The following RBM20 variants were observed in gnomAD, a reference collection of about 807,000 sequenced individuals.
RBM20 encodes the protein RNA-binding protein 20.
In RBM20, 51 loss-of-function variants were observed where a neutral mutation model predicts 110.1. The observed-to-expected ratio is 0.46, with a 90% CI of 0.37 to 0.59. RBM20 has a LOEUF of 0.59. RBM20 is among the 20% of genes least tolerant of loss of function. The probability of loss-of-function intolerance (pLI) is 0.00; values close to 1 mark genes in which losing one functional copy is unlikely to be tolerated. For missense variants in RBM20, 1,512 were observed against 1,574.9 expected (o/e 0.96, Z 0.68); for synonymous variants, 589 against 618.2 (o/e 0.95, Z 0.70).
At position 110,653,674 on chromosome 10, in the gene RBM20, A is replaced by G. The variant is rs143968526; in HGVS notation, c.191+9029A>G. On this transcript the variant is annotated intron_variant, in intron 1 of 13. Transcript: ENST00000369519. ...CTGGCTCAAGCAATCTCCCACCTCA[A>G]CCTTCCAAGTAGCTGGTACTGTAGA... Among the ~76,000 whole-genome samples, 365 of 152,052 alleles carry G rather than the reference A, an allele frequency of 2.4e-3. 2 individuals are homozygous for G. Among genetic ancestry groups the G allele is most frequent in the African/African-American group, 8.5e-3 (353 of 41,460 alleles).
intron 6 of RBM20, among the ~76,000 whole-genome samples, chr10:110,798,141 G>A (rs1243275490): frequency 6.6e-6 from 1 of 152,146 alleles, no homozygotes; most frequent in Non-Finnish European, 1.5e-5. Context: ...GAGAATGGAT[G>A]GATGCTTACT....
At chr10:110,748,859 C>T (rs1843818445) in intron 1 of RBM20, among the ~76,000 whole-genome samples, 1 of 152,166 alleles carries the variant, frequency 6.6e-6, no homozygotes, top group African/African-American at 2.4e-5. Context: ...ACCATGTGCC[C>T]ATTAAGCAGT....
At chr10:110,791,236 A>G (rs1844479293) in intron 5 of RBM20, among the ~76,000 whole-genome samples, 1 of 152,222 alleles carries the variant, frequency 6.6e-6, no homozygotes, top group Admixed American at 6.5e-5. Flanking sequence ...TGAGAGATAA[A>G]TATTTGCCAT....
intron 1 of RBM20, among the ~76,000 whole-genome samples, chr10:110,645,630 A>T (rs556947003): frequency 6.6e-6 from 1 of 152,402 alleles, no homozygotes; most frequent in East Asian, 1.9e-4. Context: ...AATAAAACTT[A>T]GTAACAGAAA....
At chr10:110,800,145 A>C (rs934815096) in intron 7 of RBM20, among the ~76,000 whole-genome samples, 23 of 152,222 alleles carry the variant, frequency 1.5e-4, no homozygotes, top group African/African-American at 5.3e-4. Flanking sequence ...CTGGGAGCCA[A>C]GGAAAGTTTT....
chr10:110,815,436 C>T (rs888669847), intron 9 of RBM20, among the ~76,000 whole-genome samples: 1 of 152,186 alleles, frequency 6.6e-6, no homozygotes, highest in Non-Finnish European at 1.5e-5. Context: ...CACTGTGTGC[C>T]TCACCAAGGA....
intron 7 of RBM20, among the ~76,000 whole-genome samples, chr10:110,804,756 G>A (rs553468012): frequency 9.8e-5 from 15 of 152,292 alleles, no homozygotes; most frequent in Admixed American, 1.3e-4. Flanking sequence ...TGGAAACTTC[G>A]TCAATAAGTA....
At chr10:110,685,024 T>A (rs968625988) in intron 1 of RBM20, among the ~76,000 whole-genome samples, 1 of 152,202 alleles carries the variant, frequency 6.6e-6, no homozygotes, top group Non-Finnish European at 1.5e-5. Context: ...AGGAGAGCGA[T>A]CTGCCTGAAT....
At chr10:110,801,343 C>T (rs1215363707) in intron 7 of RBM20, among the ~76,000 whole-genome samples, 4 of 151,772 alleles carry the variant, frequency 2.6e-5, no homozygotes, top group Non-Finnish European at 4.4e-5. Flanking sequence ...AGGAGAATCG[C>T]TTTAACCTGG....
intron 1 of RBM20, among the ~76,000 whole-genome samples, chr10:110,689,950 C>T (rs1282013695): frequency 6.6e-6 from 1 of 152,124 alleles, no homozygotes; most frequent in Non-Finnish European, 1.5e-5. Flanking sequence ...ATTTTAAGTG[C>T]TTCCAGAAAA....
chr10:110,782,244 C>A (rs1844363608), intron 2 of RBM20, among the ~76,000 whole-genome samples: 3 of 152,114 alleles, frequency 2.0e-5, no homozygotes, highest in Admixed American at 1.3e-4. Context: ...AATCTACTGC[C>A]CCTTGAGTAC....
chr10:110,829,442 G>C (rs1467655486), intron 12 of RBM20, among the ~76,000 whole-genome samples: 1 of 152,160 alleles, frequency 6.6e-6, no homozygotes, highest in African/African-American at 2.4e-5. Context: ...ACTGCTGAGG[G>C]CATGGCGTGT....
At chr10:110,825,271 T>TG (rs1844969203) in intron 12 of RBM20, among the ~76,000 whole-genome samples, 1 of 152,220 alleles carries the variant, frequency 6.6e-6, no homozygotes, top group Non-Finnish European at 1.5e-5. Context: ...CTAGACACTC[T>TG]GGGGTAACCA....
At chr10:110,662,310 A>G (rs1455723833) in intron 1 of RBM20, among the ~76,000 whole-genome samples, 1 of 152,208 alleles carries the variant, frequency 6.6e-6, no homozygotes, top group Non-Finnish European at 1.5e-5. Context: ...TTCAAACCGA[A>G]TATTTAACAC....
intron 1 of RBM20, among the ~76,000 whole-genome samples, chr10:110,690,763 A>C (rs1333558766): frequency 6.6e-6 from 1 of 152,260 alleles, no homozygotes; most frequent in Non-Finnish European, 1.5e-5. Flanking sequence ...TTGTAAGTAC[A>C]ATATACGTAT....
chr10:110,807,076 G>T (rs1213070927), intron 7 of RBM20, among the ~76,000 whole-genome samples: 1 of 152,162 alleles, frequency 6.6e-6, no homozygotes, highest in Non-Finnish European at 1.5e-5. Context: ...CAATACCTGT[G>T]ACCACTAGCC....
chr10:110,690,698 A>G lies in RBM20; in HGVS notation c.191+46053A>G, dbSNP rs369154283. On this transcript the variant is annotated intron_variant, in intron 1 of 13. Transcript: ENST00000369519. ...AGCATCGTGTTTTCAAGGATCATTCATACTGTAGCATGTATCAAAATTGTA... is the reference window on the plus strand; with the variant it reads ...AGCATCGTGTTTTCAAGGATCATTCGTACTGTAGCATGTATCAAAATTGTA... Among the ~76,000 whole-genome samples, 9 of 152,372 alleles carry G rather than the reference A, an allele frequency of 5.9e-5. No individual in the cohort carries two copies. The South Asian group carries it at 1.0e-3, about 18-fold the overall frequency.
intron 5 of RBM20, among the ~76,000 whole-genome samples, chr10:110,790,330 C>A (rs1844468621): frequency 6.6e-6 from 1 of 152,234 alleles, no homozygotes; most frequent in Non-Finnish European, 1.5e-5. Context: ...CCAGCTCTGT[C>A]ATTGCTCCTG....
At chr10:110,673,089 T>C (rs10509925) in intron 1 of RBM20, among the ~76,000 whole-genome samples, 11,698 of 152,290 alleles carry the variant, frequency 0.077, 629 homozygotes, top group Non-Finnish European at 0.11. Context: ...AGTAAACATC[T>C]TTCTGGCTAA....
Sources: allele counts gnomAD v4.1 joint callset (sites outside exome capture counted in the v4.1 genomes callset), GRCh38; gene constraint gnomAD v4.1.1; transcripts MANE v1.5; gene names NCBI Gene and HGNC (gene_info 2026-07-23, HGNC 2026-07-21).